The following ZNF829 variants were observed in gnomAD, a reference collection of about 807,000 sequenced individuals.
ZNF829 encodes the protein zinc finger protein 829.
ZNF829 carries 25 observed loss-of-function variants against 35.2 expected under a neutral mutation model. The observed-to-expected ratio is 0.71, with a 90% confidence interval of 0.52 to 0.99. The LOEUF is 0.99. Ranked by LOEUF, ZNF829 falls within the 50% of genes least tolerant of loss-of-function variation. ZNF829 has a pLI of 0.00. For missense variants in ZNF829, 417 were observed against 515.3 expected, an observed-to-expected ratio of 0.81 and a Z score of 1.85; for synonymous variants, 136 against 163.2, an observed-to-expected ratio of 0.83 and a Z score of 1.27.
chr19:36,915,004 C>T lies in ZNF829; in HGVS notation c.57G>A (p.Glu19=). The part of the protein sequence containing the change: ...IPHVWCHPEE[E]ERMHDELLQA... ...GTAGAAGTTCATCATGCATTCTTTCCTCCTCTTCTGGGTGACACCTGGAGA... is the reference window on the plus strand; with the variant it reads ...GTAGAAGTTCATCATGCATTCTTTCTTCCTCTTCTGGGTGACACCTGGAGA... Residue 19 remains glutamate, a synonymous_variant, in exon 3 of 6, where the codon GAG becomes GAA. Transcript: ENST00000391711. 1 of 1,614,166 alleles carries T rather than the reference C, an allele frequency of 6.2e-7. No individual in the cohort carries two copies. Among genetic ancestry groups the T allele is most frequent in the Non-Finnish European group, 8.5e-7 (1 of 1,180,030 alleles).
At chr19:36,893,352 C>T (rs2073080298) in intron 5 of ZNF829, among the ~76,000 whole-genome samples, 1 of 152,072 alleles carries the variant, frequency 6.6e-6, no homozygotes, top group South Asian at 2.1e-4. Context: ...CAAGTCATAG[C>T]AGTGATTGAG....
chr19:36,908,164 C>G, intron 4 of ZNF829, 140 bp from the exon 5 acceptor site: 1 of 1,165,028 alleles, frequency 8.6e-7, no homozygotes, highest in African/African-American at 1.6e-5. Context: ...TCAGCCACAG[C>G]CCATTGGAGC....
intron 5 of ZNF829, among the ~76,000 whole-genome samples, chr19:36,901,586 A>T (rs2073165969): frequency 6.6e-6 from 1 of 152,214 alleles, no homozygotes; most frequent in African/African-American, 2.4e-5. Context: ...GGGTTGGGCA[A>T]CTTTTTAAAT....
intron 5 of ZNF829, among the ~76,000 whole-genome samples, chr19:36,894,842 T>A (rs1186567237): frequency 6.6e-6 from 1 of 152,200 alleles, no homozygotes; most frequent in Non-Finnish European, 1.5e-5. Flanking sequence ...ATTTTGGGTA[T>A]TCTAGGAGAA....
At chr19:36,915,597 T>TG (rs1424272393) in intron 1 of ZNF829, among the ~76,000 whole-genome samples, 32 of 25,326 alleles carry the variant, frequency 1.3e-3, no homozygotes, top group African/African-American at 3.9e-3. Context: ...CCTCTTTTTT[T>TG]GGGGGGGTGG....
chr19:36,893,473 T>C lies in ZNF829; in HGVS notation c.320-1002A>G, dbSNP rs577861836. 5.3e-5 allele frequency among the ~76,000 whole-genome samples: 8 copies of C among 152,282 alleles called. No homozygotes were observed. In the East Asian group the frequency reaches 1.5e-3, roughly 29 times the overall value. ...ATATAAACAGTGAGCCCCAGTTCTA[T>C]GCTTTAAGGCAACCTCTGAGCCCTC... On this transcript the variant is annotated intron_variant, in intron 5 of 5. Transcript: ENST00000391711.
At chr19:36,909,794 G>T (rs2073248069) in intron 3 of ZNF829, among the ~76,000 whole-genome samples, 1 of 135,218 alleles carries the variant, frequency 7.4e-6, no homozygotes, top group Non-Finnish European at 1.5e-5. Context: ...GCAACAGAGT[G>T]AGACTCTGTC....
At chr19:36,905,525 C>T (rs1357610045) in intron 5 of ZNF829, 1 of 151,104 alleles carries the variant, frequency 6.6e-6, no homozygotes, top group African/African-American at 2.4e-5. Context: ...GCAACCTCCG[C>T]CTCCCTGGTT....
At position 36,891,305 on chromosome 19, in the gene ZNF829, A is replaced by C. The variant is rs1327366571; in HGVS notation, c.*187T>G. 4 of 568,800 alleles carry C rather than the reference A, an allele frequency of 7.0e-6. No homozygotes were observed. The highest frequency in any genetic ancestry group is 1.1e-5 in the Non-Finnish European group (4 of 348,990). 35.2% of individuals were successfully genotyped at this position (568,800 alleles called of 1,614,324 possible). A position where few individuals can be genotyped will look rare whatever the true frequency, so the allele number is the denominator to read the frequency against. On this transcript the variant is annotated 3_prime_UTR_variant, in exon 6 of 6. Transcript: ENST00000391711. ...TTGAGTTTAGATTTCCAGGCTCTAAACTATGAGAGAATAAATTTCTCTTGT... is the reference window on the plus strand; with the variant it reads ...TTGAGTTTAGATTTCCAGGCTCTAACCTATGAGAGAATAAATTTCTCTTGT...
intron 5 of ZNF829, among the ~76,000 whole-genome samples, chr19:36,904,791 A>T (rs977651110): frequency 6.6e-6 from 1 of 152,208 alleles, no homozygotes; most frequent in African/African-American, 2.4e-5. Flanking sequence ...TTTTAAAATG[A>T]AAAAGGAATA....
chr19:36,910,336 C>A, intron 3 of ZNF829, among the ~76,000 whole-genome samples: 1 of 152,162 alleles, frequency 6.6e-6, no homozygotes, highest in East Asian at 1.9e-4. Flanking sequence ...CCACCTGCCT[C>A]AGCCTCCCAA....
intron 3 of ZNF829, among the ~76,000 whole-genome samples, chr19:36,914,657 T>C (rs1220314810): frequency 6.6e-6 from 1 of 152,142 alleles, no homozygotes; most frequent in African/African-American, 2.4e-5. Context: ...TTTGCAAAAA[T>C]GTAGAACATC....
chr19:36,901,225 A>C (rs73626748), intron 5 of ZNF829, among the ~76,000 whole-genome samples: 1,987 of 152,322 alleles, frequency 0.013, 46 homozygotes, highest in African/African-American at 0.045. Flanking sequence ...ACACGGATGA[A>C]CCCTGAAAAG....
chr19:36,892,325 A>G lies in ZNF829; in HGVS notation c.466T>C (p.Trp156Arg), dbSNP rs893366036. 1 of 1,613,850 alleles carries G rather than the reference A, an allele frequency of 6.2e-7. No homozygotes were observed. Among genetic ancestry groups the G allele is most frequent in the African/African-American group, 1.3e-5 (1 of 75,048 alleles). Reference protein sequence around the residue: ...PQKTMSEEKPWECKICGKTFN... With the variant: ...PQKTMSEEKPRECKICGKTFN... ...GTCTTTCCACATATCTTACATTCCCATGGTTTCTCTTCACTCATAGTTTTT... is the reference window on the plus strand; with the variant it reads ...GTCTTTCCACATATCTTACATTCCCGTGGTTTCTCTTCACTCATAGTTTTT... The change falls in exon 6 of 6, where the codon TGG (tryptophan) becomes CGG (arginine). Residue 156 changes from tryptophan to arginine, a missense_variant. Physicochemically the swap from Trp to Arg is moderately radical, Grantham distance 101. Transcript: ENST00000391711.
At chr19:36,907,254 TA>T (rs938366731) in intron 5 of ZNF829, 2 of 151,942 alleles carry the variant, frequency 1.3e-5, no homozygotes, top group African/African-American at 4.8e-5. Context: ...GGCAAAAGAC[TA>T]AATACTGTGT....
In ZNF829 at chr19:36,889,762, T is replaced by A. The variant is rs2073032806; in HGVS notation, c.*1730A>T. 6.6e-6 allele frequency: 1 copy of A among 152,192 alleles called. No homozygotes were observed. 9.4% of individuals were successfully genotyped at this position (152,192 alleles called of 1,614,324 possible). ...CTTTTGCATTCCTTTGTTCTCAGTC[T>A]CATTTTTGCCTGCTCTGATATTTGT... On this transcript the variant is annotated 3_prime_UTR_variant, in exon 6 of 6. Transcript: ENST00000391711.
Position 36,908,435 on chromosome 19 carries a change from A to C in ZNF829, c.121T>G (p.Ser41Ala), listed in dbSNP as rs183392398. The C allele has an allele frequency of 6.1e-4, 982 of 1,610,584 alleles. 1 individual carries two copies. Among genetic ancestry groups the C allele is most frequent in the Middle Eastern group, 8.3e-4 (5 of 6,028 alleles). The change falls in exon 4 of 6, where the codon TCC (serine) becomes GCC (alanine). Residue 41 changes from serine to alanine, a missense_variant. By Grantham distance (99) the Ser-to-Ala change is moderately conservative. Coordinates refer to ENST00000391711, the MANE Select transcript of ZNF829 (RefSeq NM_001037232.4). ...SKGPVMFRDV[S>A]IDFSQEEWEC... ...CATTCCTCTTGAGAGAAGTCTATGG[A>C]AACATCCCTGAACATCACCGGCCCC...
chr19:36,893,838 G>A (rs2073085722), intron 5 of ZNF829, among the ~76,000 whole-genome samples: 1 of 152,102 alleles, frequency 6.6e-6, no homozygotes, highest in South Asian at 2.1e-4. Context: ...TCCCCAGTAT[G>A]TTCTAGCACC....
intron 5 of ZNF829, among the ~76,000 whole-genome samples, chr19:36,894,124 A>G (rs2073089156): frequency 1.3e-5 from 2 of 152,112 alleles, no homozygotes; most frequent in Admixed American, 1.3e-4. Flanking sequence ...CAATGAGAAA[A>G]GCCTCATCAC....
Sources: gnomAD v4.1 joint callset for allele counts (sites outside exome capture counted in the v4.1 genomes callset) on GRCh38, gnomAD v4.1.1 for gene constraint, MANE v1.5 for transcripts, NCBI Gene and HGNC (gene_info 2026-07-23, HGNC 2026-07-21) for gene names.